Variants in SENP7 observed in about 807,000 individuals in gnomAD.
SENP7 encodes the protein SUMO specific peptidase 7.
Under a neutral mutation model 141.2 loss-of-function variants are expected in SENP7, and 64 were observed. That is an observed-to-expected ratio of 0.45 (90% CI 0.37 to 0.56). SENP7 has a LOEUF of 0.56. SENP7 is among the 20% of genes least tolerant of loss of function. The probability of loss-of-function intolerance (pLI) is 0.00; values close to 1 mark genes in which losing one functional copy is unlikely to be tolerated. For synonymous variants in SENP7, 382 were observed against 426.4 expected, an observed-to-expected ratio of 0.90 and a Z score of 1.28; for missense variants, 1,025 against 1,212.2, an observed-to-expected ratio of 0.85 and a Z score of 2.29.
chr3:101,509,742 T>G (rs2065773247), intron 1 of SENP7, among the ~76,000 whole-genome samples: 1 of 152,188 alleles, frequency 6.6e-6, no homozygotes, highest in East Asian at 1.9e-4. Flanking sequence ...TTTAAGAAAG[T>G]TATACCATCA....
At chr3:101,471,645 GACAA>G (rs781029134) in intron 3 of SENP7, among the ~76,000 whole-genome samples, 6 of 152,142 alleles carry the variant, frequency 3.9e-5, no homozygotes, top group Non-Finnish European at 8.8e-5. Context: ...AGCCAAAATA[GACAA>G]ATGCGATCTA....
chr3:101,417,896 G>A, intron 4 of SENP7, 106 bp from the exon 5 acceptor site: 2 of 865,288 alleles, frequency 2.3e-6, no homozygotes, highest in Admixed American at 2.4e-5. Flanking sequence ...AGTTCCTCAA[G>A]CAACTATAGT....
intron 4 of SENP7, among the ~76,000 whole-genome samples, chr3:101,451,908 T>A (rs1209458968): frequency 1.9e-4 from 29 of 152,112 alleles, no homozygotes; most frequent in South Asian, 2.1e-4. Flanking sequence ...AATTAGGAAA[T>A]GAGGAAGTCA....
chr3:101,410,001 CCA>C (rs2061409674), intron 5 of SENP7, among the ~76,000 whole-genome samples: 1 of 151,992 alleles, frequency 6.6e-6, no homozygotes, highest in Admixed American at 6.5e-5. Flanking sequence ...AACGGATAAC[CCA>C]CAGAGTGGGA....
intron 6 of SENP7, among the ~76,000 whole-genome samples, chr3:101,376,467 T>C (rs1301999845): frequency 6.6e-6 from 1 of 152,138 alleles, no homozygotes; most frequent in East Asian, 1.9e-4. Context: ...TAAAACATAA[T>C]ACAGAGTAAC....
rs187986673 is a variant in SENP7 at position 101,484,395 on chromosome 3, G to A, written c.186+9478C>T. Among the ~76,000 whole-genome samples, 8 of 152,338 alleles carry A rather than the reference G, an allele frequency of 5.3e-5. No individual in the cohort carries two copies. The East Asian group carries it at 1.5e-3, about 29-fold the overall frequency. ...TCATGGTGGACAGGAGGCAGGACCAGATTGCAGCTACATGCAGAGCAGCTT... is the reference window on the plus strand; with the variant it reads ...TCATGGTGGACAGGAGGCAGGACCAAATTGCAGCTACATGCAGAGCAGCTT... On this transcript the variant is annotated intron_variant, in intron 3 of 23. Coordinates refer to ENST00000394095, the MANE Select transcript of SENP7 (RefSeq NM_020654.5).
intron 4 of SENP7, among the ~76,000 whole-genome samples, chr3:101,441,351 C>G (rs971550918): frequency 8.5e-5 from 13 of 152,146 alleles, no homozygotes; most frequent in Non-Finnish European, 1.6e-4. Context: ...AGGACAGGTG[C>G]ACCCTGCCCC....
chr3:101,362,376 T>C (rs1207057907), intron 10 of SENP7, among the ~76,000 whole-genome samples: 2 of 152,204 alleles, frequency 1.3e-5, no homozygotes, highest in Non-Finnish European at 2.9e-5. Flanking sequence ...AAACAAAGAT[T>C]CAAATGCACG....
intron 4 of SENP7, among the ~76,000 whole-genome samples, chr3:101,423,019 C>T (rs948131024): frequency 1.4e-4 from 22 of 151,822 alleles, no homozygotes; most frequent in Admixed American, 3.3e-4. Flanking sequence ...ATTTTGATTC[C>T]GGAAAATAAA....
At chr3:101,510,688 A>G (rs1286756482) in intron 1 of SENP7, among the ~76,000 whole-genome samples, 1 of 151,906 alleles carries the variant, frequency 6.6e-6, no homozygotes, top group African/African-American at 2.4e-5. Flanking sequence ...CCCCATCTTT[A>G]CTAAAAGTAC....
intron 6 of SENP7, among the ~76,000 whole-genome samples, chr3:101,375,789 T>C (rs1241011063): frequency 6.6e-6 from 1 of 152,100 alleles, no homozygotes; most frequent in African/African-American, 2.4e-5. Flanking sequence ...TATTGGGCCA[T>C]AAAAAGGAAT....
At position 101,373,836 on chromosome 3, in the gene SENP7, G is replaced by A. The variant is rs533602419; in HGVS notation, c.678-1710C>T. Among the ~76,000 whole-genome samples, 37 of 152,238 alleles carry A rather than the reference G, an allele frequency of 2.4e-4. No individual in the cohort carries two copies. The South Asian group carries it at 4.6e-3, about 19-fold the overall frequency. On this transcript the variant is annotated intron_variant, in intron 6 of 23. Transcript: ENST00000394095. ...TAAACTGTACATGGTGGAAAGTCAC[G>A]TGTTTAAAGATAAGGACAGCAATGT...
chr3:101,458,390 T>C (rs2063429898), intron 4 of SENP7: 1 of 152,264 alleles, frequency 6.6e-6, no homozygotes, highest in Non-Finnish European at 1.5e-5. Flanking sequence ...TTTCTAATAA[T>C]TGATTTATGT....
chr3:101,432,436 A>G (rs1319953434), intron 4 of SENP7, among the ~76,000 whole-genome samples: 2 of 152,186 alleles, frequency 1.3e-5, no homozygotes, highest in African/African-American at 2.4e-5. Context: ...CTGGACCCTT[A>G]AGCAAACATA....
At chr3:101,496,847 G>A (rs542226030) in intron 2 of SENP7, among the ~76,000 whole-genome samples, 61 of 152,276 alleles carry the variant, frequency 4.0e-4, no homozygotes, top group African/African-American at 1.4e-3. Context: ...CAAAGTGCTG[G>A]GATTATAGGC....
chr3:101,409,653 T>G (rs2061399548), intron 5 of SENP7, among the ~76,000 whole-genome samples: 1 of 152,152 alleles, frequency 6.6e-6, no homozygotes, highest in South Asian at 2.1e-4. Flanking sequence ...CAAGTGGATC[T>G]TTGACAAAGC....
At chr3:101,488,112 A>G (rs2064806551) in intron 3 of SENP7, among the ~76,000 whole-genome samples, 1 of 151,698 alleles carries the variant, frequency 6.6e-6, no homozygotes. Flanking sequence ...TTTTCCATTT[A>G]TTTGTGTCAT....
chr3:101,360,935 G>T (rs947756675), intron 11 of SENP7, among the ~76,000 whole-genome samples: 21 of 152,160 alleles, frequency 1.4e-4, no homozygotes, highest in African/African-American at 5.1e-4. Context: ...TGGGCACAGT[G>T]GCTCACACCT....
intron 10 of SENP7, among the ~76,000 whole-genome samples, chr3:101,364,250 AAG>A (rs971901899): frequency 2.0e-5 from 3 of 151,714 alleles, no homozygotes; most frequent in Non-Finnish European, 4.4e-5. Flanking sequence ...GAAAGAAAGA[AAG>A]AAAGAATACT....
Sources: gnomAD v4.1 joint callset for allele counts (sites outside exome capture counted in the v4.1 genomes callset) on GRCh38, gnomAD v4.1.1 for gene constraint, MANE v1.5 for transcripts, NCBI Gene and HGNC (gene_info 2026-07-23, HGNC 2026-07-21) for gene names.